The following SSC5D variants were observed in gnomAD, a reference collection of about 807,000 sequenced individuals.
SSC5D encodes scavenger receptor cysteine rich family member with 5 domains.
SSC5D carries 106 observed loss-of-function variants against 104.6 expected under a neutral mutation model. The observed-to-expected ratio is 1.01, with a 90% CI of 0.87 to 1.19. SSC5D has a LOEUF of 1.19. Ranked by LOEUF, SSC5D falls within the 50% of genes most tolerant of loss-of-function variation. SSC5D has a pLI of 0.00. For missense variants in SSC5D, 1,993 were observed against 2,153.8 expected (o/e 0.93, Z 1.48); for synonymous variants, 860 against 883.5 (o/e 0.97, Z 0.47).
At position 55,508,647 on chromosome 19, in the gene SSC5D, A is replaced by T. The variant is rs557683941; in HGVS notation, c.2786-4364A>T. Among the ~76,000 whole-genome samples the T allele has an allele frequency of 6.1e-5, 8 of 131,664 alleles. No homozygotes were observed. The East Asian group carries it at 1.8e-3, about 30-fold the overall frequency. 86.4% of individuals were successfully genotyped at this position (131,664 alleles called of 152,430 possible). ...AGAATCCAGGGCGCATGCAGCAGGG[A>T]TGGCCTCATCCACAGGGGATGGGGG... On this transcript the variant is annotated intron_variant, in intron 12 of 13. Transcript: ENST00000389623.
chr19:55,501,529 C>G lies in SSC5D; in HGVS notation c.2785+328C>G, dbSNP rs572800418. Among the ~76,000 whole-genome samples, 3 of 152,320 alleles carry G rather than the reference C, an allele frequency of 2.0e-5. No individual in the cohort carries two copies. The East Asian group carries it at 5.8e-4, about 29-fold the overall frequency. On this transcript the variant is annotated intron_variant, in intron 12 of 13. Coordinates refer to ENST00000389623, the MANE Select transcript of SSC5D (RefSeq NM_001144950.2). The stretch of plus-strand genomic sequence containing the variant: ...GCCATTCTGTCATCACATCATCGTC[C>G]CCACCCCAGCTCCCCCAGAGCAAGC...
At chr19:55,489,059 C>A (rs1180219943) in intron 2 of SSC5D, 27 bp downstream of exon 2, 20 of 654,920 alleles carry the variant, frequency 3.1e-5, no homozygotes, top group Non-Finnish European at 3.9e-5. Context: ...CTCCCATCTG[C>A]CCGCCCCCCC....
At position 55,489,009 on chromosome 19, in the gene SSC5D, C is replaced by A. The variant is rs1444193750; in HGVS notation, c.29C>A (p.Ala10Asp). Residue 10 changes from alanine (A) to aspartate (D), a missense_variant, in exon 2 of 14, where the codon GCC becomes GAC. Ala to Asp is a moderately radical substitution (Grantham distance 126). Around this residue, in one of 6 missense-constraint regions of SSC5D, gnomAD observed 1,101 missense variants for 1,085.0 expected, o/e 1.01. Coordinates refer to ENST00000389623, the MANE Select transcript of SSC5D (RefSeq NM_001144950.2). ...CACCCTCCGCCCTCCCTTCCAGCGG[C>A]CCTGGTGGGGATCCAGGCTGTTGGT... MRVLACLLA[A>D]LVGIQAVERL... 2 of 1,508,346 alleles carry A rather than the reference C, an allele frequency of 1.3e-6. No homozygotes were observed. The highest frequency in any genetic ancestry group is 1.4e-5 in the African/African-American group (1 of 70,326). 93.4% of individuals were successfully genotyped at this position (1,508,346 alleles called of 1,614,324 possible).
At chr19:55,489,260 T>A in intron 2 of SSC5D, 94 bp from the exon 3 acceptor site, 1 of 1,338,748 alleles carries the variant, frequency 7.5e-7, no homozygotes, top group South Asian at 1.6e-5. Context: ...CTACAGACAG[T>A]ACCTGCAGGA....
intron 12 of SSC5D, among the ~76,000 whole-genome samples, chr19:55,504,497 T>TTTTATTTA (rs1362773560): frequency 6.6e-6 from 1 of 152,084 alleles, no homozygotes; most frequent in East Asian, 1.9e-4. Context: ...ATTTATATTG[T>TTTTATTTA]TTTATTTATT....
At chr19:55,508,799 C>T (rs1326071002) in intron 12 of SSC5D, among the ~76,000 whole-genome samples, 1 of 30,002 alleles carries the variant, frequency 3.3e-5, no homozygotes, top group Non-Finnish European at 6.6e-5. Context: ...GCAGGGATGG[C>T]CTCATCCACA....
chr19:55,489,529 G>A lies in SSC5D; in HGVS notation c.228G>A (p.Gly76=), dbSNP rs62130160. The change falls in exon 3 of 14, where the codon GGG becomes GGA. Residue 76 remains glycine, a synonymous_variant. Coordinates refer to ENST00000389623, the MANE Select transcript of SSC5D (RefSeq NM_001144950.2). ...ALAAPGGAFF[G]EGAGPVWLSE... ...CCGCCCCGGGAGGCGCCTTCTTCGG[G>A]GAGGGGGCAGGGCCTGTGTGGCTCA... The A allele has an allele frequency of 1.4e-6, 2 of 1,468,110 alleles. No homozygotes were observed. The highest frequency in any genetic ancestry group is 1.8e-6 in the Non-Finnish European group (2 of 1,116,946). 90.9% of individuals were successfully genotyped at this position (1,468,110 alleles called of 1,614,324 possible). A position where few individuals can be genotyped will look rare whatever the true frequency, so the allele number is the denominator to read the frequency against.
In SSC5D at chr19:55,488,516, T is replaced by C. The variant is rs1987016954; in HGVS notation, c.-74T>C. 7.3e-7 allele frequency: 1 copy of C among 1,377,028 alleles called. No individual in the cohort carries two copies. Among genetic ancestry groups the C allele is most frequent in the South Asian group, 1.2e-5 (1 of 80,318 alleles). 85.3% of individuals were successfully genotyped at this position (1,377,028 alleles called of 1,614,324 possible). A position where few individuals can be genotyped will look rare whatever the true frequency, so the allele number is the denominator to read the frequency against. On this transcript the variant is annotated 5_prime_UTR_variant, in exon 1 of 14. Coordinates refer to ENST00000389623, the MANE Select transcript of SSC5D (RefSeq NM_001144950.2). ...GCAGGCACTTCCCTCCCTCCCTCTC[T>C]CCCCAGCTGCCTCCTCCTCTTCTCT... is the stretch of plus-strand genomic sequence containing the variant.
rs1261478669 is a variant in SSC5D, at chr19:55,498,161, T to G, written c.1669T>G (p.Cys557Gly). The G allele has an allele frequency of 3.9e-6, 6 of 1,551,712 alleles. No individual in the cohort carries two copies. The highest frequency in any genetic ancestry group is 8.7e-7 in the Non-Finnish European group (1 of 1,146,998). Residue 557 changes from cysteine to glycine, a missense_variant, in exon 9 of 14, where the codon TGC (cysteine) becomes GGC (glycine). Cys to Gly is a radical substitution (Grantham distance 159). Coordinates refer to ENST00000389623, the MANE Select transcript of SSC5D (RefSeq NM_001144950.2). ...TGCTGCTCCCTGGGGAAAGCACAAC[T>G]GCGCTCACAATGAGGATGTTGGGGT... ...CPAAPWGKHN[C>G]AHNEDVGVTC...
chr19:55,513,448 T>C (rs1987803705), intron 13 of SSC5D, among the ~76,000 whole-genome samples: 3 of 152,148 alleles, frequency 2.0e-5, no homozygotes, highest in South Asian at 4.2e-4. Context: ...GGTGTGGTGG[T>C]ACGCACGTGT....
intron 9 of SSC5D, among the ~76,000 whole-genome samples, chr19:55,499,444 GGTCA>G (rs774745647): frequency 2.0e-5 from 3 of 152,156 alleles, no homozygotes; most frequent in South Asian, 2.1e-4. Flanking sequence ...CCCCACTGGT[GGTCA>G]GTAAGAATTG....
In SSC5D at chr19:55,517,835, C is replaced by T. The variant is rs1161807580; in HGVS notation, c.3559C>T (p.Pro1187Ser). 2.6e-6 allele frequency: 4 copies of T among 1,543,470 alleles called. No individual in the cohort carries two copies. In the East Asian group the frequency reaches 7.4e-5, roughly 28 times the overall value. The change falls in exon 14 of 14, where the codon CCC (proline) becomes TCC (serine). Residue 1187 changes from proline (P) to serine (S), a missense_variant. Physicochemically the swap from Pro to Ser is moderately conservative, Grantham distance 74 (BLOSUM62 -1). Coordinates refer to ENST00000389623, the MANE Select transcript of SSC5D (RefSeq NM_001144950.2). ...TTPHPTTTPH[P>S]TTITHSTMIP... is the part of the protein sequence containing the mutation. Reference sequence around the variant, plus strand: ...CCCTCACCCCACCACGACCCCTCACCCCACCACCATCACTCACTCCACCAT... The same window carrying T: ...CCCTCACCCCACCACGACCCCTCACTCCACCACCATCACTCACTCCACCAT...
At chr19:55,496,302 C>G (rs1240408418) in intron 8 of SSC5D, among the ~76,000 whole-genome samples, 1 of 152,146 alleles carries the variant, frequency 6.6e-6, no homozygotes, top group Admixed American at 6.5e-5. Flanking sequence ...ATTAGCTAAC[C>G]CTGGGAGGGG....
Position 55,503,509 on chromosome 19 carries a change from C to T in SSC5D, c.2785+2308C>T, listed in dbSNP as rs898836440. ...TCCCCCTCGTTTCTCTCATGGTCAGCCCCCTTCCCTCCGTTTCTGTCTCCC... is the reference window on the plus strand; with the variant it reads ...TCCCCCTCGTTTCTCTCATGGTCAGTCCCCTTCCCTCCGTTTCTGTCTCCC... On this transcript the variant is annotated intron_variant, in intron 12 of 13. Transcript: ENST00000389623. The surrounding 1 kb of genome is among the most constrained non-coding windows in gnomAD (Gnocchi z 4.0). Among the ~76,000 whole-genome samples, 1 of 152,060 alleles carries T rather than the reference C, an allele frequency of 6.6e-6. No homozygotes were observed. Among genetic ancestry groups the T allele is most frequent in the South Asian group, 2.1e-4 (1 of 4,822 alleles).
chr19:55,516,683 C>T (rs1412533067), intron 13 of SSC5D, among the ~76,000 whole-genome samples: 2 of 152,122 alleles, frequency 1.3e-5, no homozygotes, highest in Non-Finnish European at 1.5e-5. Context: ...TTCGAGGTTA[C>T]AGTGAGCTAT....
At chr19:55,491,353 GT>G in intron 6 of SSC5D, 1 of 451,410 alleles carries the variant, frequency 2.2e-6, no homozygotes, top group Non-Finnish European at 3.9e-6. Flanking sequence ...TTAAGCCTCA[GT>G]TTTCCTGAAG....
At chr19:55,509,295 C>T (rs2123453662) in intron 12 of SSC5D, among the ~76,000 whole-genome samples, 1 of 152,296 alleles carries the variant, frequency 6.6e-6, no homozygotes, top group South Asian at 2.1e-4. Context: ...GATCCCCATG[C>T]ACTTAGTGGG....
Position 55,513,101 on chromosome 19 carries a change from G to A in SSC5D, c.2876G>A (p.Gly959Glu), listed in dbSNP as rs747438661. Residue 959 changes from glycine to glutamate, a missense_variant, in exon 13 of 14, where the codon GGA becomes GAA. Gly to Glu is a moderately conservative substitution (Grantham distance 98). This residue lies in a region of SSC5D where 423 missense variants were observed against 409.2 expected (regional missense o/e 1.03). Coordinates refer to ENST00000389623, the MANE Select transcript of SSC5D (RefSeq NM_001144950.2). The stretch of plus-strand genomic sequence containing the variant: ...GGGACCCCTACCGCAGGCAAACTAG[G>A]ACCAACTCTTGGGGCTGGCACCACC... Reference protein sequence around the residue: ...AEGTPTAGKLGPTLGAGTTRS... With the variant: ...AEGTPTAGKLEPTLGAGTTRS... The A allele has an allele frequency of 1.1e-5, 17 of 1,548,846 alleles. No individual in the cohort carries two copies. The South Asian group carries it at 2.0e-4, about 18-fold the overall frequency.
chr19:55,494,048 T>TC (rs1987241305), intron 7 of SSC5D, 136 bp downstream of exon 7: 1 of 871,886 alleles, frequency 1.1e-6, no homozygotes, highest in African/African-American at 1.7e-5. Context: ...CCCATCTTAT[T>TC]CCCCTCTGAA....
Sources: allele counts gnomAD v4.1 joint callset (sites outside exome capture counted in the v4.1 genomes callset), GRCh38; gene constraint gnomAD v4.1.1; regional missense constraint gnomAD v4.1.1; non-coding constraint Gnocchi (gnomAD v3.1); transcripts MANE v1.5; gene names NCBI Gene and HGNC (gene_info 2026-07-23, HGNC 2026-07-21).